USP39: variants seen among roughly 807,000 people sequenced by gnomAD.
USP39 encodes the protein ubiquitin specific peptidase 39.
Under a neutral mutation model 66.4 loss-of-function variants are expected in USP39, and 38 were observed. That is an observed-to-expected ratio of 0.57 (90% CI 0.44 to 0.75). The LOEUF is 0.75. Ranked by LOEUF, USP39 falls within the 30% of genes least tolerant of loss-of-function variation. USP39 has a pLI of 0.00. For synonymous variants in USP39, 303 were observed against 274.6 expected, an observed-to-expected ratio of 1.10 and a Z score of -1.02; for missense variants, 608 against 714.4, an observed-to-expected ratio of 0.85 and a Z score of 1.70.
At chr2:85,617,318 C>G (rs1034585568) in intron 1 of USP39, among the ~76,000 whole-genome samples, 1 of 152,118 alleles carries the variant, frequency 6.6e-6, no homozygotes, top group African/African-American at 2.4e-5. Flanking sequence ...AATGCTTGAG[C>G]AATAGGCACC....
chr2:85,636,209 T>C, intron 7 of USP39, 79 bp downstream of exon 7: 1 of 1,358,916 alleles, frequency 7.4e-7, no homozygotes, highest in Middle Eastern at 1.9e-4. Context: ...GGCTCATGCC[T>C]ATAATCCCAG....
At chr2:85,611,778 T>C (rs771022747), upstream of USP39, 4 of 1,611,820 alleles carry the variant, frequency 2.5e-6, no homozygotes, top group Non-Finnish European at 3.4e-6. Flanking sequence ...CTTCTTGTCA[T>C]AGTCGTCCCT....
intron 3 of USP39, 53 bp downstream of exon 3, chr2:85,621,632 T>A (rs1394051527): frequency 1.4e-6 from 2 of 1,451,720 alleles, no homozygotes. Context: ...GACTTTTTTT[T>A]TTTTTTTAAA....
At chr2:85,645,899 G>A (rs1393220586) in intron 11 of USP39, 1 of 152,256 alleles carries the variant, frequency 6.6e-6, no homozygotes, top group Admixed American at 6.5e-5. Flanking sequence ...TGGGATTACA[G>A]GTATGAGCCA....
intron 8 of USP39, among the ~76,000 whole-genome samples, chr2:85,638,621 C>A (rs1675983686): frequency 6.6e-6 from 1 of 152,068 alleles, no homozygotes; most frequent in African/African-American, 2.4e-5. Flanking sequence ...TCACCGCAAC[C>A]TCCGCCTCCC....
intron 3 of USP39, among the ~76,000 whole-genome samples, chr2:85,621,983 C>CT (rs1674500334): frequency 6.6e-6 from 1 of 152,100 alleles, no homozygotes; most frequent in South Asian, 2.1e-4. Context: ...CCATGCCTGG[C>CT]TAATTTTTGT....
chr2:85,623,762 T>C lies in USP39; in HGVS notation c.550T>C (p.Ser184Pro). 1 of 1,612,948 alleles carries C rather than the reference T, an allele frequency of 6.2e-7. No individual in the cohort carries two copies. Reference protein sequence around the residue: ...CLPDNYEIIDSSLEDITYVLK... With the variant: ...CLPDNYEIIDPSLEDITYVLK... ...TCCAGACAACTATGAGATCATCGAT[T>C]CCTCATTGGAGGATATCACGGTGTG... Residue 184 changes from serine (S) to proline (P), a missense_variant, in exon 4 of 13, where the codon TCC (serine) becomes CCC (proline). Transcript: ENST00000323701.
chr2:85,633,287 A>AT (rs1675511188), intron 6 of USP39, among the ~76,000 whole-genome samples: 2 of 151,812 alleles, frequency 1.3e-5, no homozygotes, highest in Non-Finnish European at 2.9e-5. Flanking sequence ...TACCTGGCTA[A>AT]TTTTTTGGTA....
At chr2:85,636,912 G>A (rs1303450269) in intron 7 of USP39, among the ~76,000 whole-genome samples, 1 of 152,166 alleles carries the variant, frequency 6.6e-6, no homozygotes, top group Non-Finnish European at 1.5e-5. Flanking sequence ...GAACTTGGTT[G>A]TGCTTTCTCT....
intron 5 of USP39, among the ~76,000 whole-genome samples, chr2:85,628,563 T>C (rs1377261338): frequency 6.6e-6 from 1 of 152,156 alleles, no homozygotes; most frequent in Non-Finnish European, 1.5e-5. Flanking sequence ...ATAAATGGAT[T>C]AACAAACCCT....
intron 5 of USP39, among the ~76,000 whole-genome samples, chr2:85,626,316 G>A (rs1486413428): frequency 1.3e-5 from 2 of 152,142 alleles, no homozygotes; most frequent in African/African-American, 4.8e-5. Context: ...CTGAGATCAC[G>A]TCACTGCACT....
At chr2:85,612,136 A>C, upstream of USP39, 1 of 896,186 alleles carries the variant, frequency 1.1e-6, no homozygotes, top group Non-Finnish European at 1.6e-6. Context: ...GATGCAGCGC[A>C]CGGAGTTTTC....
chr2:85,635,606 C>T (rs1675707048), intron 6 of USP39, among the ~76,000 whole-genome samples: 1 of 152,032 alleles, frequency 6.6e-6, no homozygotes, highest in South Asian at 2.1e-4. Context: ...GTGGCAGGTT[C>T]CGTAGACAGC....
upstream of USP39, among the ~76,000 whole-genome samples, chr2:85,613,460 C>CAA (rs1673707676): frequency 6.6e-6 from 1 of 151,974 alleles, no homozygotes; most frequent in Non-Finnish European, 1.5e-5. Flanking sequence ...TGCAGTCAGC[C>CAA]GAGATCGAGC....
rs754797236 is a variant in USP39 at position 85,644,946 on chromosome 2, A to G, written c.1428-2A>G. On this transcript the variant is annotated splice_acceptor_variant, in intron 10 of 12. Transcript: ENST00000323701. LOFTEE classifies it high-confidence loss of function. The stretch of plus-strand genomic sequence containing the variant: ...TTCCGGCTTTATTTTAACCATTAAC[A>G]GAAATGTGGATCTGAGAGAATACTT... 1.9e-6 allele frequency: 3 copies of G among 1,614,026 alleles called. No homozygotes were observed. The South Asian group carries it at 3.3e-5, about 18-fold the overall frequency.
At chr2:85,644,845 C>G in intron 10 of USP39, 103 bp from the exon 11 acceptor site, 1 of 1,504,856 alleles carries the variant, frequency 6.6e-7, no homozygotes, top group Non-Finnish European at 9.0e-7. Context: ...AGAAAGGGTC[C>G]TAAAATAGGG....
intron 6 of USP39, among the ~76,000 whole-genome samples, chr2:85,632,159 T>C (rs149070783): frequency 4.6e-4 from 70 of 152,298 alleles, no homozygotes; most frequent in African/African-American, 1.5e-3. Context: ...CTAGCATCTG[T>C]ATTAGTTTAT....
At chr2:85,608,612 T>C (rs990126117), upstream of USP39, 5 of 197,920 alleles carry the variant, frequency 2.5e-5, no homozygotes, top group African/African-American at 1.3e-4. Context: ...ATGACCTCGG[T>C]GAGAAAGCAC....
In USP39 at chr2:85,645,105, C is replaced by G. The variant is rs367839498; in HGVS notation, c.1563+22C>G. 5.6e-5 allele frequency: 90 copies of G among 1,613,758 alleles called. No individual in the cohort carries two copies. In the African/African-American group the frequency reaches 1.0e-3, roughly 18 times the overall value. ...TCATGTGAGTGGCTGCTGACCGTCT[C>G]ATGGCACAGAGTGGCAAAAACAGGT... On this transcript the variant is annotated intron_variant, in intron 11 of 12. Coordinates refer to ENST00000323701, the MANE Select transcript of USP39 (RefSeq NM_006590.4).
Sources: allele counts gnomAD v4.1 joint callset (sites outside exome capture counted in the v4.1 genomes callset), GRCh38; gene constraint gnomAD v4.1.1; transcripts MANE v1.5; gene names NCBI Gene and HGNC (gene_info 2026-07-23, HGNC 2026-07-21).